COL25A1: variants seen among roughly 807,000 people sequenced by gnomAD.
COL25A1 encodes collagen type XXV alpha 1 chain.
Under a neutral mutation model 128.4 loss-of-function variants are expected in COL25A1, and 103 were observed. That is an observed-to-expected ratio of 0.80 (90% CI 0.68 to 0.94). The LOEUF is 0.94. Among genes scored for constraint, COL25A1 ranks in the 40% least tolerant of loss-of-function variants. The pLI, the probability that COL25A1 is intolerant of heterozygous loss-of-function variation, is 0.00. For synonymous variants in COL25A1, 279 were observed against 277.2 expected, an observed-to-expected ratio of 1.01 and a Z score of -0.06; for missense variants, 745 against 840.0, an observed-to-expected ratio of 0.89 and a Z score of 1.40.
chr4:109,197,353 T>A (rs942638093), intron 3 of COL25A1, among the ~76,000 whole-genome samples: 4 of 130,454 alleles, frequency 3.1e-5, no homozygotes, highest in Admixed American at 9.4e-5. Context: ...ATATATATAT[T>A]ATATATAAAA....
Position 108,819,467 on chromosome 4 carries a change from G to A in COL25A1, c.1846-138C>T, listed in dbSNP as rs1017061906. On this transcript the variant is annotated intron_variant, in intron 35 of 37. Coordinates refer to ENST00000399132, the MANE Select transcript of COL25A1 (RefSeq NM_198721.4). ...GGAAAAGTAACATCCAGTGAAGTTGGGCAAAGTAAAATGGAGGGAGACATA... is the reference window on the plus strand; with the variant it reads ...GGAAAAGTAACATCCAGTGAAGTTGAGCAAAGTAAAATGGAGGGAGACATA... 12 of 660,162 alleles carry A rather than the reference G, an allele frequency of 1.8e-5. No homozygotes were observed. In the Admixed American group the frequency reaches 2.4e-4, roughly 13 times the overall value. The allele number at this position is 660,162 out of a possible 1,614,324, so 40.9% of individuals were successfully genotyped here. A position where few individuals can be genotyped will look rare whatever the true frequency, so the allele number is the denominator to read the frequency against.
intron 3 of COL25A1, among the ~76,000 whole-genome samples, chr4:109,254,976 T>C (rs1698384765): frequency 6.6e-6 from 1 of 152,210 alleles, no homozygotes. Flanking sequence ...ATTGCACTAA[T>C]GCAAATACAA....
intron 3 of COL25A1, among the ~76,000 whole-genome samples, chr4:109,086,516 T>A (rs927281559): frequency 7.2e-5 from 11 of 152,214 alleles, no homozygotes; most frequent in African/African-American, 2.7e-4. Flanking sequence ...GAGATCTTTA[T>A]AGTCGGATTT....
At chr4:108,835,048 T>C (rs1733621403) in intron 31 of COL25A1, among the ~76,000 whole-genome samples, 1 of 152,146 alleles carries the variant, frequency 6.6e-6, no homozygotes, top group Admixed American at 6.5e-5. Context: ...AAGCAAAAAA[T>C]AACTTCCAAA....
intron 5 of COL25A1, among the ~76,000 whole-genome samples, chr4:109,042,638 C>G (rs1346609169): frequency 6.6e-6 from 1 of 151,950 alleles, no homozygotes; most frequent in Admixed American, 6.6e-5. Flanking sequence ...ACAGTTACTA[C>G]ACATTTAAAA....
rs147723028 is a variant in COL25A1, at chr4:108,910,968, C to T, written c.780+7204G>A. 1.6e-4 allele frequency among the ~76,000 whole-genome samples: 25 copies of T among 152,318 alleles called. No individual in the cohort carries two copies. The East Asian group carries it at 3.9e-3, about 24-fold the overall frequency. ...ATGCTGTCTCACAGTTGGATCATGGCTACCCCTTGGCAATGTGGCCTGGTG... is the reference window on the plus strand; with the variant it reads ...ATGCTGTCTCACAGTTGGATCATGGTTACCCCTTGGCAATGTGGCCTGGTG... On this transcript the variant is annotated intron_variant, in intron 13 of 37. Transcript: ENST00000399132.
At chr4:108,830,929 G>A (rs1480223762) in intron 32 of COL25A1, among the ~76,000 whole-genome samples, 1 of 152,218 alleles carries the variant, frequency 6.6e-6, no homozygotes, top group Non-Finnish European at 1.5e-5. Flanking sequence ...TAATTAAGAT[G>A]ATCTTCAGAA....
chr4:109,004,715 C>T (rs939729042), intron 6 of COL25A1, among the ~76,000 whole-genome samples: 13 of 152,128 alleles, frequency 8.5e-5, no homozygotes, highest in African/African-American at 3.1e-4. Context: ...TGCCTGCTCC[C>T]CCTTTGCCTT....
At chr4:108,915,019 C>T (rs1744704141) in intron 13 of COL25A1, among the ~76,000 whole-genome samples, 1 of 152,100 alleles carries the variant, frequency 6.6e-6, no homozygotes, top group South Asian at 2.1e-4. Flanking sequence ...ATGCAGAGAC[C>T]ACGCCCTTTT....
At chr4:109,108,851 G>A (rs976613019) in intron 3 of COL25A1, among the ~76,000 whole-genome samples, 1 of 152,064 alleles carries the variant, frequency 6.6e-6, no homozygotes, top group African/African-American at 2.4e-5. Flanking sequence ...ATAATATAGT[G>A]TAAAAATAAT....
chr4:108,881,848 A>G (rs980025850), intron 19 of COL25A1, among the ~76,000 whole-genome samples: 1 of 152,232 alleles, frequency 6.6e-6, no homozygotes, highest in African/African-American at 2.4e-5. Context: ...AGAGAAGACA[A>G]AGCTTATTAA....
chr4:108,878,726 C>T (rs1040161201), intron 19 of COL25A1, among the ~76,000 whole-genome samples: 4 of 151,978 alleles, frequency 2.6e-5, no homozygotes, highest in South Asian at 2.1e-4. Flanking sequence ...AGAAAACATA[C>T]CTTTCTGACT....
chr4:109,149,354 T>C (rs973013392), intron 3 of COL25A1, among the ~76,000 whole-genome samples: 1 of 152,214 alleles, frequency 6.6e-6, no homozygotes, highest in Non-Finnish European at 1.5e-5. Flanking sequence ...TATTGAAATA[T>C]ATAAAAACTA....
chr4:109,300,558 C>A, intron 3 of COL25A1, 25 bp downstream of exon 3: 1 of 1,525,354 alleles, frequency 6.6e-7, no homozygotes, highest in Non-Finnish European at 9.1e-7. Flanking sequence ...CTGGAGGAAA[C>A]CTTGTTAAAT....
At chr4:109,255,831 A>G (rs1781041255) in intron 3 of COL25A1, among the ~76,000 whole-genome samples, 1 of 152,196 alleles carries the variant, frequency 6.6e-6, no homozygotes, top group Non-Finnish European at 1.5e-5. Flanking sequence ...TACTCCAACA[A>G]AACTTGCTTT....
At position 108,825,235 on chromosome 4, in the gene COL25A1, C is replaced by G. The variant is rs1300432769; in HGVS notation, c.1765-13G>C. The stretch of plus-strand genomic sequence containing the variant: ...CTCCATCTTTCCCCTGCCAAAGAAC[C>G]ATAGTAGCTACATTAGTGTTTCTAA... On this transcript the variant is annotated splice_polypyrimidine_tract_variant and intron_variant, in intron 33 of 37. Transcript: ENST00000399132. 1 of 1,610,190 alleles carries G rather than the reference C, an allele frequency of 6.2e-7. No individual in the cohort carries two copies. The highest frequency in any genetic ancestry group is 1.7e-5 in the Admixed American group (1 of 59,968).
At chr4:109,242,152 T>A (rs992220880) in intron 3 of COL25A1, among the ~76,000 whole-genome samples, 8 of 152,026 alleles carry the variant, frequency 5.3e-5, no homozygotes, top group Admixed American at 1.3e-4. Flanking sequence ...TTGCACACAC[T>A]TATCTTCTTG....
rs773360444 is a variant in COL25A1, at chr4:108,941,383, T to C, written c.547A>G (p.Lys183Glu). 6.2e-7 allele frequency: 1 copy of C among 1,613,980 alleles called. No individual in the cohort carries two copies. The highest frequency in any genetic ancestry group is 8.5e-7 in the Non-Finnish European group (1 of 1,179,884). The change falls in exon 9 of 38, where the codon AAA (lysine) becomes GAA (glutamate). Residue 183 changes from lysine to glutamate, a missense_variant. This residue lies in a region of COL25A1 where 319 missense variants were observed against 324.9 expected (regional missense o/e 0.98). Coordinates refer to ENST00000399132, the MANE Select transcript of COL25A1 (RefSeq NM_198721.4). ...AGCACTACCTTAATCAGGCGGCGTT[T>C]AATGAGCTGCTGATCAGCAGAGAGA... ...GFLSADQQLIKRRLIKGDQGQ... is the reference protein window; with the variant it reads ...GFLSADQQLIERRLIKGDQGQ...
chr4:108,936,516 G>A lies in COL25A1; in HGVS notation c.708+1292C>T, dbSNP rs375389080. On this transcript the variant is annotated intron_variant, in intron 11 of 37. Coordinates refer to ENST00000399132, the MANE Select transcript of COL25A1 (RefSeq NM_198721.4). ...CAGGAGGTGGTGGTTGCAGTGAGCCGAGATCGCGCCACTGCACTCCAGCCT... is the reference window on the plus strand; with the variant it reads ...CAGGAGGTGGTGGTTGCAGTGAGCCAAGATCGCGCCACTGCACTCCAGCCT... Among the ~76,000 whole-genome samples the A allele has an allele frequency of 9.2e-5, 14 of 152,190 alleles. No homozygotes were observed. In the East Asian group the frequency reaches 2.1e-3, roughly 23 times the overall value.
Sources: allele counts gnomAD v4.1 joint callset (sites outside exome capture counted in the v4.1 genomes callset), GRCh38; gene constraint gnomAD v4.1.1; regional missense constraint gnomAD v4.1.1; transcripts MANE v1.5; gene names NCBI Gene and HGNC (gene_info 2026-07-23, HGNC 2026-07-21).